The following EWSR1 variants were observed in gnomAD, a reference collection of about 807,000 sequenced individuals.
EWSR1 encodes RNA-binding protein EWS.
A neutral mutation model predicts 92.1 loss-of-function variants in EWSR1; 14 were observed. The observed-to-expected ratio is 0.15, with a 90% confidence interval of 0.10 to 0.24. The LOEUF (loss-of-function observed/expected upper bound fraction) is 0.24, where lower values mean the gene tolerates loss of function less well. Ranked by LOEUF, EWSR1 falls within the 10% of genes least tolerant of loss-of-function variation. The pLI is 1.00. For synonymous variants in EWSR1, 303 were observed against 292.9 expected, an observed-to-expected ratio of 1.03 and a Z score of -0.35; for missense variants, 637 against 870.9, an observed-to-expected ratio of 0.73 and a Z score of 3.38.
intron 3 of EWSR1, among the ~76,000 whole-genome samples, chr22:29,272,891 A>G (rs2058797016): frequency 6.6e-6 from 1 of 152,204 alleles, no homozygotes; most frequent in South Asian, 2.1e-4. Flanking sequence ...CTTTCCAGTG[A>G]AGAGTCTGTT....
chr22:29,275,127 T>G (rs780457503), intron 4 of EWSR1, among the ~76,000 whole-genome samples: 2 of 152,220 alleles, frequency 1.3e-5, no homozygotes, highest in Admixed American at 6.5e-5. Context: ...TCTAGTGGTG[T>G]TAATTGCAGC....
chr22:29,291,548 G>T lies in EWSR1; in HGVS notation c.975-14G>T. ...TAAAGGGAAAGGCCTTCATTTCTTC[G>T]TTTATCCCCCCAGCAGCGCTGGAGA... is the stretch of plus-strand genomic sequence containing the variant. On this transcript the variant is annotated splice_polypyrimidine_tract_variant and intron_variant, in intron 8 of 16. Coordinates refer to ENST00000397938, the MANE Select transcript of EWSR1 (RefSeq NM_005243.4). The T allele has an allele frequency of 2.5e-6, 4 of 1,611,862 alleles. No homozygotes were observed. Among genetic ancestry groups the T allele is most frequent in the Non-Finnish European group, 2.5e-6 (3 of 1,179,206 alleles).
chr22:29,275,022 T>C (rs561766426), intron 4 of EWSR1, among the ~76,000 whole-genome samples: 15 of 152,110 alleles, frequency 9.9e-5, no homozygotes, highest in African/African-American at 3.6e-4. Context: ...GTAATTTATC[T>C]CATTGAGTAC....
intron 9 of EWSR1, chr22:29,291,894 TAA>T: frequency 1.8e-6 from 1 of 571,210 alleles, no homozygotes. Flanking sequence ...ATTTGGCACA[TAA>T]GCATTGAGAG....
intron 5 of EWSR1, 82 bp from the exon 6 acceptor site, chr22:29,282,308 C>T: frequency 9.2e-7 from 1 of 1,090,944 alleles, no homozygotes. Context: ...AGCTTTGTAG[C>T]ATTCTTACCC....
chr22:29,289,670 T>A (rs2060301780), intron 8 of EWSR1: 1 of 232,586 alleles, frequency 4.3e-6, no homozygotes, highest in Non-Finnish European at 8.5e-6. Flanking sequence ...TATTTACATT[T>A]GATACGGTGT....
intron 6 of EWSR1, 31 bp from the exon 7 acceptor site, chr22:29,286,892 C>T: frequency 8.3e-7 from 1 of 1,210,408 alleles, no homozygotes; most frequent in Non-Finnish European, 1.2e-6. Flanking sequence ...TCTAAAAAAG[C>T]TTTTTTTTTT....
At chr22:29,289,603 G>A (rs2060295348) in intron 8 of EWSR1, 5 of 232,066 alleles carry the variant, frequency 2.2e-5, no homozygotes, top group Non-Finnish European at 4.3e-5. Flanking sequence ...AGTTCTGTGT[G>A]TGTTCTGTCC....
chr22:29,289,926 TACTC>T lies in EWSR1; in HGVS notation c.974+1141_974+1144del, dbSNP rs930984857. 3.8e-5 allele frequency: 8 copies of T among 211,358 alleles called. No individual in the cohort carries two copies. The South Asian group carries it at 5.5e-4, about 15-fold the overall frequency. The allele number at this position is 211,358 out of a possible 1,614,324, so 13.1% of individuals were successfully genotyped here. On this transcript the variant is annotated intron_variant, in intron 8 of 16. Transcript: ENST00000397938. ...AAAATCAATCTTCTGATTTGGAAAA[TACTC>T]TATTATAAAGGTTTCACTTCTTTTT...
intron 1 of EWSR1, 112 bp downstream of exon 1, chr22:29,268,461 TGAGGCACCCGCC>T: frequency 6.3e-7 from 1 of 1,575,010 alleles, no homozygotes; most frequent in South Asian, 1.1e-5. Context: ...GAGAGGGGGT[TGAGGCACCCGCC>T]GCGGCCCGAC....
chr22:29,275,413 C>CA (rs1319980430), intron 4 of EWSR1, among the ~76,000 whole-genome samples: 2 of 152,128 alleles, frequency 1.3e-5, no homozygotes, highest in East Asian at 3.9e-4. Flanking sequence ...CTAAAAAGTA[C>CA]AGGTCATTCT....
intron 6 of EWSR1, among the ~76,000 whole-genome samples, chr22:29,284,185 G>C (rs2059840815): frequency 6.6e-6 from 1 of 151,312 alleles, no homozygotes; most frequent in Admixed American, 6.5e-5. Flanking sequence ...GGCCAGGCTG[G>C]TCTTGAACTC....
chr22:29,276,622 A>G (rs1160512784), intron 4 of EWSR1: 1 of 226,724 alleles, frequency 4.4e-6, no homozygotes, highest in Admixed American at 5.7e-5. Context: ...TTCTTTAGTG[A>G]GATGTAGACT....
intron 8 of EWSR1, chr22:29,289,108 A>G: frequency 3.4e-6 from 1 of 295,578 alleles, no homozygotes; most frequent in Non-Finnish European, 6.3e-6. Context: ...AACACACACA[A>G]CCCTTCTAAT....
rs1379000997 is a variant in EWSR1 at position 29,300,377 on chromosome 22, T to C, written c.*216T>C. The C allele has an allele frequency of 2.0e-6, 1 of 505,226 alleles. No homozygotes were observed. Among genetic ancestry groups the C allele is most frequent in the African/African-American group, 2.0e-5 (1 of 50,240 alleles). The allele number at this position is 505,226 out of a possible 1,614,324, so 31.3% of individuals were successfully genotyped here. A position where few individuals can be genotyped will look rare whatever the true frequency, so the allele number is the denominator to read the frequency against. ...TTTTCTTCCTTCTTTTAAAAATGGT[T>C]GTTTAAGACTTTAACAATGGGAACC... On this transcript the variant is annotated 3_prime_UTR_variant, in exon 17 of 17. Transcript: ENST00000397938.
At chr22:29,269,058 C>T (rs1164032994) in intron 1 of EWSR1, among the ~76,000 whole-genome samples, 2 of 152,218 alleles carry the variant, frequency 1.3e-5, no homozygotes, top group African/African-American at 4.8e-5. Context: ...CCACGTCCTC[C>T]CCTCCCCCAA....
chr22:29,277,094 C>T (rs141406050), intron 4 of EWSR1: 123 of 229,134 alleles, frequency 5.4e-4, no homozygotes, highest in Middle Eastern at 2.6e-3. Flanking sequence ...AGGCATGGAT[C>T]CTGCCTGGTC....
intron 5 of EWSR1, among the ~76,000 whole-genome samples, chr22:29,281,732 C>T (rs1204537005): frequency 6.6e-6 from 1 of 152,148 alleles, no homozygotes; most frequent in African/African-American, 2.4e-5. Flanking sequence ...AGGCGCCCAC[C>T]ACCATGCCTG....
intron 8 of EWSR1, chr22:29,289,439 C>T (rs1050815878): frequency 4.3e-6 from 1 of 231,886 alleles, no homozygotes; most frequent in Non-Finnish European, 8.5e-6. Context: ...ATGGCACAAT[C>T]TGGTTTAGAA....
Sources: allele counts gnomAD v4.1 joint callset (sites outside exome capture counted in the v4.1 genomes callset), GRCh38; gene constraint gnomAD v4.1.1; transcripts MANE v1.5; gene names NCBI Gene and HGNC (gene_info 2026-07-23, HGNC 2026-07-21).